The following REEP3 variants were observed in gnomAD, a reference collection of about 807,000 sequenced individuals.
The protein encoded by REEP3 is receptor expression-enhancing protein 3.
A neutral mutation model predicts 41.3 loss-of-function variants in REEP3; 20 were observed. The observed-to-expected ratio is 0.48, with a 90% CI of 0.34 to 0.70. The LOEUF is 0.70. Among genes scored for constraint, REEP3 ranks in the 30% least tolerant of loss-of-function variants. REEP3 has a pLI of 0.01. For synonymous variants in REEP3, 104 were observed against 101.8 expected, an observed-to-expected ratio of 1.02 and a Z score of -0.13; for missense variants, 271 against 308.8, an observed-to-expected ratio of 0.88 and a Z score of 0.92.
intron 1 of REEP3, among the ~76,000 whole-genome samples, chr10:63,525,422 CTT>C (rs1010779668): frequency 1.4e-5 from 2 of 146,334 alleles, no homozygotes; most frequent in African/African-American, 2.5e-5. Flanking sequence ...AGATTAGTTA[CTT>C]TTTTTTTTTT....
At chr10:63,552,542 C>T (rs1955639443) in intron 1 of REEP3, among the ~76,000 whole-genome samples, 1 of 152,200 alleles carries the variant, frequency 6.6e-6, no homozygotes, top group Admixed American at 6.5e-5. Flanking sequence ...AGAATCCAAT[C>T]AAATAGCATT....
At chr10:63,522,865 G>A (rs117671935) in intron 1 of REEP3, among the ~76,000 whole-genome samples, 2,027 of 152,278 alleles carry the variant, frequency 0.013, 31 homozygotes, top group African/African-American at 0.034. Context: ...GGATACCACA[G>A]ATGCCTTCAG....
intron 1 of REEP3, among the ~76,000 whole-genome samples, chr10:63,555,664 T>A (rs1000593035): frequency 6.6e-6 from 1 of 152,238 alleles, no homozygotes; most frequent in Non-Finnish European, 1.5e-5. Flanking sequence ...AGATAACCTA[T>A]AATGACTTTC....
chr10:63,581,331 G>A (rs539343548), intron 2 of REEP3, among the ~76,000 whole-genome samples: 81 of 151,988 alleles, frequency 5.3e-4, no homozygotes, highest in Non-Finnish European at 9.4e-4. Context: ...TCTCCAAAAC[G>A]TCATAACTTT....
chr10:63,586,982 A>G (rs1256750841), intron 2 of REEP3, among the ~76,000 whole-genome samples: 4 of 110,300 alleles, frequency 3.6e-5, no homozygotes, highest in African/African-American at 1.4e-4. Flanking sequence ...ACGTTTATGC[A>G]TGTTTTTTTT....
intron 2 of REEP3, among the ~76,000 whole-genome samples, chr10:63,569,478 CT>C (rs11386416): frequency 5.5e-5 from 8 of 145,810 alleles, no homozygotes; most frequent in Non-Finnish European, 6.0e-5. Context: ...CCCAAATCTG[CT>C]TTTTTTTTTT....
chr10:63,534,467 C>T (rs558966958), intron 1 of REEP3, among the ~76,000 whole-genome samples: 85 of 152,282 alleles, frequency 5.6e-4, no homozygotes, highest in African/African-American at 1.9e-3. Context: ...CCAGACTGTT[C>T]TTAAACTTCT....
intron 5 of REEP3, among the ~76,000 whole-genome samples, chr10:63,602,922 T>C (rs951323058): frequency 2.0e-5 from 3 of 152,206 alleles, no homozygotes; most frequent in African/African-American, 7.2e-5. Flanking sequence ...ACCTGCACAA[T>C]CTACTGTCTG....
At chr10:63,608,415 G>T (rs1422795165) in intron 5 of REEP3, among the ~76,000 whole-genome samples, 1 of 152,158 alleles carries the variant, frequency 6.6e-6, no homozygotes, top group East Asian at 1.9e-4. Context: ...CAAAGTAACT[G>T]AATCAAGACT....
rs200130689 is a variant in REEP3 at position 63,591,127 on chromosome 10, G to T, written c.106-3651G>T. 6.4e-3 allele frequency among the ~76,000 whole-genome samples: 876 copies of T among 135,910 alleles called. 7 individuals are homozygous for T. The highest frequency in any genetic ancestry group is 0.022 in the African/African-American group (824 of 37,846). The allele number at this position is 135,910 out of a possible 152,430, so 89.2% of individuals were successfully genotyped here. ...ATTTAGGTTTTGTGTTTTTGTTTTT[G>T]TTTTTTTTTTTTTTGACCTTGACTT... is the stretch of plus-strand genomic sequence containing the variant. On this transcript the variant is annotated intron_variant, in intron 2 of 7. Coordinates refer to ENST00000373758, the MANE Select transcript of REEP3 (RefSeq NM_001001330.3).
rs370795832 is a variant in REEP3, at chr10:63,621,056, G to T, written c.*187G>T. 4.3e-6 allele frequency: 2 copies of T among 469,724 alleles called. No homozygotes were observed. The highest frequency in any genetic ancestry group is 7.6e-6 in the Non-Finnish European group (2 of 263,670). The allele number at this position is 469,724 out of a possible 1,614,324, so 29.1% of individuals were successfully genotyped here. On this transcript the variant is annotated 3_prime_UTR_variant, in exon 8 of 8. Coordinates refer to ENST00000373758, the MANE Select transcript of REEP3 (RefSeq NM_001001330.3). ...TTGCTTCCAAATATTGACTACTAAA[G>T]GCAGTTCTGCAAGATGTACTAAATA... is the stretch of plus-strand genomic sequence containing the variant.
At chr10:63,567,297 C>T (rs1027838034) in intron 2 of REEP3, among the ~76,000 whole-genome samples, 1 of 151,998 alleles carries the variant, frequency 6.6e-6, no homozygotes, top group Admixed American at 6.6e-5. Flanking sequence ...CAATATAATA[C>T]AACTCTTTCT....
chr10:63,604,941 T>G (rs1011623750), intron 5 of REEP3, among the ~76,000 whole-genome samples: 2 of 152,194 alleles, frequency 1.3e-5, no homozygotes, highest in African/African-American at 2.4e-5. Flanking sequence ...GAGGCAATTT[T>G]GTGCCCCTAC....
intron 2 of REEP3, among the ~76,000 whole-genome samples, chr10:63,594,227 A>C (rs76860255): frequency 5.0e-4 from 45 of 89,224 alleles, no homozygotes; most frequent in African/African-American, 8.8e-4. Context: ...AAAAAAAAAA[A>C]CCAAAAAAAA....
intron 2 of REEP3, among the ~76,000 whole-genome samples, chr10:63,584,919 A>G (rs1955990742): frequency 6.6e-6 from 1 of 152,098 alleles, no homozygotes; most frequent in African/African-American, 2.4e-5. Context: ...ATATTTTAAC[A>G]TGTTATGCTC....
At chr10:63,567,413 A>C (rs752238756) in intron 2 of REEP3, among the ~76,000 whole-genome samples, 2 of 152,220 alleles carry the variant, frequency 1.3e-5, no homozygotes, top group Non-Finnish European at 1.5e-5. Flanking sequence ...TATTTCATAT[A>C]AATAGAATCA....
chr10:63,595,701 C>T (rs1197405207), intron 3 of REEP3, among the ~76,000 whole-genome samples: 3 of 152,092 alleles, frequency 2.0e-5, no homozygotes, highest in South Asian at 2.1e-4. Flanking sequence ...CTCAGCCTCC[C>T]GAGTAGCTGG....
At chr10:63,534,458 C>T (rs1238064749) in intron 1 of REEP3, among the ~76,000 whole-genome samples, 1 of 152,130 alleles carries the variant, frequency 6.6e-6, no homozygotes, top group Non-Finnish European at 1.5e-5. Context: ...TTATGTTGCC[C>T]AGACTGTTCT....
At chr10:63,541,065 TAATA>T (rs1955523758) in intron 1 of REEP3, among the ~76,000 whole-genome samples, 1 of 152,200 alleles carries the variant, frequency 6.6e-6, no homozygotes, top group Non-Finnish European at 1.5e-5. Context: ...AGTGTTTCTA[TAATA>T]AATATGAATC....
Sources: gnomAD v4.1 joint callset for allele counts (sites outside exome capture counted in the v4.1 genomes callset) on GRCh38, gnomAD v4.1.1 for gene constraint, MANE v1.5 for transcripts, NCBI Gene and HGNC (gene_info 2026-07-23, HGNC 2026-07-21) for gene names.